The following DMXL1 variants were observed in gnomAD, a reference collection of about 807,000 sequenced individuals.
The protein encoded by DMXL1 is Dmx like 1.
In DMXL1, 99 loss-of-function variants were observed where a neutral mutation model predicts 319.2. That is an observed-to-expected ratio of 0.31 (90% CI 0.26 to 0.37). The LOEUF is 0.37. DMXL1 is among the 10% of genes least tolerant of loss of function. The pLI, the probability that DMXL1 is intolerant of heterozygous loss-of-function variation, is 1.00. For missense variants in DMXL1, 3,745 were observed against 3,595.6 expected (o/e 1.04, Z -1.06); for synonymous variants, 1,385 against 1,235.2 (o/e 1.12, Z -2.54).
chr5:119,197,988 TTTTG>T (rs770370247), intron 32 of DMXL1, 32 bp downstream of exon 32: 11 of 1,606,126 alleles, frequency 6.8e-6, no homozygotes, highest in South Asian at 3.3e-5. Flanking sequence ...ATTTGGGTTT[TTTTG>T]TTTGTTTGTT....
At position 119,237,355 on chromosome 5, in the gene DMXL1, T is replaced by C; in HGVS notation, c.8500T>C (p.Leu2834=). The C allele has an allele frequency of 6.2e-7, 1 of 1,602,984 alleles. No homozygotes were observed. Among genetic ancestry groups the C allele is most frequent in the Non-Finnish European group, 8.5e-7 (1 of 1,172,814 alleles). Reference sequence around the variant, plus strand: ...AGTTGATGCTGATGGATATTTAAGTTTGTATCAAACAAACTGGAAATGTTG... The same window carrying C: ...AGTTGATGCTGATGGATATTTAAGTCTGTATCAAACAAACTGGAAATGTTG... ...GIVDADGYLS[L]YQTNWKCCPV... The change falls in exon 40 of 44, where the codon TTG becomes CTG. Residue 2834 remains leucine, a synonymous_variant. Coordinates refer to ENST00000539542, the MANE Select transcript of DMXL1 (RefSeq NM_001290321.3).
At chr5:119,079,152 T>C (rs1266179686) in intron 1 of DMXL1, among the ~76,000 whole-genome samples, 5 of 152,212 alleles carry the variant, frequency 3.3e-5, no homozygotes, top group African/African-American at 9.6e-5. Context: ...ATTTTTCCTT[T>C]CTTGTACCTT....
intron 41 of DMXL1, among the ~76,000 whole-genome samples, chr5:119,239,411 A>G (rs1788347254): frequency 6.6e-6 from 1 of 152,154 alleles, no homozygotes; most frequent in Admixed American, 6.6e-5. Flanking sequence ...GTAAGACTAT[A>G]GATTCTTCAG....
Position 119,189,979 on chromosome 5 carries a change from T to A in DMXL1, c.7314+93T>A, listed in dbSNP as rs1581229978. The A allele has an allele frequency of 3.1e-6, 4 of 1,300,692 alleles. No individual in the cohort carries two copies. The Admixed American group carries it at 7.1e-5, about 23-fold the overall frequency. 80.6% of individuals were successfully genotyped at this position (1,300,692 alleles called of 1,614,324 possible). ...GTCATTTTTGGTGCTTCCAAATGTT[T>A]TCCCACTTTGGTTTAGAAAATTTTC... On this transcript the variant is annotated intron_variant, in intron 29 of 43. Coordinates refer to ENST00000539542, the MANE Select transcript of DMXL1 (RefSeq NM_001290321.3).
At chr5:119,210,756 C>CG (rs1782629691) in intron 34 of DMXL1, among the ~76,000 whole-genome samples, 2 of 65,968 alleles carry the variant, frequency 3.0e-5, no homozygotes, top group Admixed American at 1.7e-4. Flanking sequence ...TTTTTTCTTT[C>CG]GTTTTTTTTT....
At chr5:119,155,565 A>G (rs980673955) in intron 19 of DMXL1, among the ~76,000 whole-genome samples, 88 of 152,184 alleles carry the variant, frequency 5.8e-4, no homozygotes, top group African/African-American at 1.9e-3. Flanking sequence ...AGAGCCAGGC[A>G]CGATGGCTCA....
intron 1 of DMXL1, among the ~76,000 whole-genome samples, chr5:119,072,591 C>A (rs1329814383): frequency 6.6e-6 from 1 of 152,014 alleles, no homozygotes; most frequent in East Asian, 1.9e-4. Context: ...AAGTAAACAA[C>A]GTAACCAATG....
intron 1 of DMXL1, among the ~76,000 whole-genome samples, chr5:119,083,699 C>T (rs1031376092): frequency 9.2e-5 from 14 of 151,808 alleles, no homozygotes; most frequent in African/African-American, 3.1e-4. Flanking sequence ...TGCCACCACG[C>T]CTGGCTAATT....
intron 22 of DMXL1, among the ~76,000 whole-genome samples, chr5:119,167,114 A>G (rs764635258): frequency 5.3e-5 from 8 of 152,280 alleles, no homozygotes; most frequent in African/African-American, 1.7e-4. Flanking sequence ...TATTTGATGA[A>G]TGTTAGAAAA....
chr5:119,110,048 T>C, intron 4 of DMXL1, 103 bp from the exon 5 acceptor site: 2 of 1,127,922 alleles, frequency 1.8e-6, no homozygotes, highest in Non-Finnish European at 2.5e-6. Flanking sequence ...TTTTTTGATA[T>C]TTGACTTTTT....
chr5:119,205,151 C>T (rs1781527225), intron 33 of DMXL1, among the ~76,000 whole-genome samples: 1 of 151,754 alleles, frequency 6.6e-6, no homozygotes, highest in Non-Finnish European at 1.5e-5. Context: ...TTTATTTGAT[C>T]TTTTTTTAAA....
At chr5:119,193,602 AATTCTTGCCGCACAGTG>A (rs879586827) in intron 29 of DMXL1, among the ~76,000 whole-genome samples, 24 of 152,182 alleles carry the variant, frequency 1.6e-4, no homozygotes, top group Admixed American at 1.6e-3. Flanking sequence ...AATCCGGTAG[AATTCTTGCCGCACAGTG>A]GATACTTAAT....
Position 119,129,316 on chromosome 5 carries a change from C to G in DMXL1, c.1208C>G (p.Thr403Ser). ...CTAAACAATAAAGAACTGCATTTTA[C>G]TTTGTCCATGGAAGTTTTTTTACAG... ...HWLNNKELHF[T>S]LSMEVFLQQL... Residue 403 changes from threonine to serine, a missense_variant, in exon 10 of 44, where the codon ACT becomes AGT. By Grantham distance (58) the Thr-to-Ser change is moderately conservative (BLOSUM62 1). Around this residue, in one of 4 missense-constraint regions of DMXL1, gnomAD observed 2,096 missense variants for 1,985.4 expected, o/e 1.06. Transcript: ENST00000539542. 6.2e-7 allele frequency: 1 copy of G among 1,613,714 alleles called. No homozygotes were observed. The highest frequency in any genetic ancestry group is 2.2e-5 in the East Asian group (1 of 44,802).
chr5:119,100,516 C>T (rs1757013530), intron 2 of DMXL1: 1 of 151,616 alleles, frequency 6.6e-6, no homozygotes, highest in Admixed American at 6.6e-5. Flanking sequence ...ACTGTACTAC[C>T]ACCTAATTCA....
At position 119,206,851 on chromosome 5, in the gene DMXL1, T is replaced by C. The variant is rs1215292237; in HGVS notation, c.7881T>C (p.Ser2627=). 2 of 1,528,082 alleles carry C rather than the reference T, an allele frequency of 1.3e-6. No homozygotes were observed. Among genetic ancestry groups the C allele is most frequent in the South Asian group, 2.4e-5 (2 of 83,348 alleles). 94.7% of individuals were successfully genotyped at this position (1,528,082 alleles called of 1,614,324 possible). A position where few individuals can be genotyped will look rare whatever the true frequency, so the allele number is the denominator to read the frequency against. ...RCLNESLEDN[S]ETIKNSMMEE... ...TGATGAAGTCATTAGAGGACAACAG[T>C]GAAACCATCAAAAATTCTATGATGG... The change falls in exon 34 of 44, where the codon AGT becomes AGC. Residue 2627 remains serine, a synonymous_variant. Transcript: ENST00000539542.
chr5:119,190,142 TATAAG>T (rs150691114), intron 29 of DMXL1, among the ~76,000 whole-genome samples: 1,952 of 152,288 alleles, frequency 0.013, 38 homozygotes, highest in African/African-American at 0.044. Context: ...TTATATTTCT[TATAAG>T]ATAAAAGAGA....
At chr5:119,124,554 T>C (rs919491979) in intron 9 of DMXL1, among the ~76,000 whole-genome samples, 2 of 147,184 alleles carry the variant, frequency 1.4e-5, no homozygotes, top group Non-Finnish European at 3.0e-5. Flanking sequence ...TTTGACATTA[T>C]GGTGATGACT....
Position 119,151,827 on chromosome 5 carries a change from C to CT in DMXL1, c.4595-96dup, listed in dbSNP as rs559749440. On this transcript the variant is annotated intron_variant, in intron 18 of 43. Coordinates refer to ENST00000539542, the MANE Select transcript of DMXL1 (RefSeq NM_001290321.3). ...GTTAGAAAATATTTTACACTGATAA[C>CT]TTTTTTCTTGGTCAGGTTAAGAATG... 29 of 588,744 alleles carry CT rather than the reference C, an allele frequency of 4.9e-5. No homozygotes were observed. In the African/African-American group the frequency reaches 5.3e-4, roughly 11 times the overall value. 36.5% of individuals were successfully genotyped at this position (588,744 alleles called of 1,614,324 possible). A position where few individuals can be genotyped will look rare whatever the true frequency, so the allele number is the denominator to read the frequency against.
rs747290552 is a variant in DMXL1, at chr5:119,133,761, G to C, written c.1837G>C (p.Val613Leu). 1.9e-6 allele frequency: 3 copies of C among 1,614,170 alleles called. No homozygotes were observed. The South Asian group carries it at 3.3e-5, about 18-fold the overall frequency. ...HADGSLNQWL[V>L]SFAEESAFST... ...TGATGGTTCTCTGAATCAGTGGCTG[G>C]TCAGTTTTGCCGAGGAATCTGCTTT... The change falls in exon 12 of 44, where the codon GTC (valine) becomes CTC (leucine). Residue 613 changes from valine to leucine, a missense_variant. By Grantham distance (32) the Val-to-Leu change is conservative. Transcript: ENST00000539542.
Sources: allele counts gnomAD v4.1 joint callset (sites outside exome capture counted in the v4.1 genomes callset), GRCh38; gene constraint gnomAD v4.1.1; regional missense constraint gnomAD v4.1.1; transcripts MANE v1.5; gene names NCBI Gene and HGNC (gene_info 2026-07-23, HGNC 2026-07-21).